FBLN2: variants seen among roughly 807,000 people sequenced by gnomAD.
The protein encoded by FBLN2 is fibulin-2.
A neutral mutation model predicts 123.7 loss-of-function variants in FBLN2; 81 were observed. That is an observed-to-expected ratio of 0.65 (90% CI 0.55 to 0.79). The LOEUF (loss-of-function observed/expected upper bound fraction) is 0.79. FBLN2 is among the 30% of genes least tolerant of loss of function. The probability of loss-of-function intolerance (pLI) is 0.00; values close to 1 mark genes in which losing one functional copy is unlikely to be tolerated. For missense variants in FBLN2, 1,603 were observed against 1,681.3 expected (o/e 0.95, Z 0.81); for synonymous variants, 699 against 701.4 (o/e 1.00, Z 0.05).
chr3:13,566,950 C>T (rs557280135), intron 1 of FBLN2, among the ~76,000 whole-genome samples: 5 of 152,362 alleles, frequency 3.3e-5, no homozygotes, highest in African/African-American at 1.2e-4. Context: ...AGAACCAGGG[C>T]TCAGAGAGGG....
rs1183296151 is a variant in FBLN2, at chr3:13,637,571, G to A, written c.3348G>A (p.Glu1116=). 6.2e-7 allele frequency: 1 copy of A among 1,605,522 alleles called. No individual in the cohort carries two copies. The change falls in exon 18 of 18, where the codon GAG becomes GAA. Residue 1116 remains glutamate, a synonymous_variant. Coordinates refer to ENST00000404922, the MANE Select transcript of FBLN2 (RefSeq NM_001004019.2). ...CCTATCCTCCCTGCAGGAAGTGCGA[G>A]CGCACCACGTGCCATGACTTCCTGG... ...NYVQVSKTKC[E]RTTCHDFLEC... is the part of the protein sequence containing the mutation.
At chr3:13,598,546 G>T (rs1419409322) in intron 2 of FBLN2, among the ~76,000 whole-genome samples, 1 of 152,150 alleles carries the variant, frequency 6.6e-6, no homozygotes, top group African/African-American at 2.4e-5. Context: ...TGTGCCCCTG[G>T]GCTCCCTCTC....
chr3:13,549,177 G>A lies in FBLN2; in HGVS notation c.-73G>A, dbSNP rs1238858132. On this transcript the variant is annotated 5_prime_UTR_variant, in exon 1 of 18. Coordinates refer to ENST00000404922, the MANE Select transcript of FBLN2 (RefSeq NM_001004019.2). ...TCGACGCGCCGACGGCCGGGCGGACGGACGGACGGACGCCGAGCGCAGTGC... is the reference window on the plus strand; with the variant it reads ...TCGACGCGCCGACGGCCGGGCGGACAGACGGACGGACGCCGAGCGCAGTGC... The A allele has an allele frequency of 4.1e-6, 4 of 982,906 alleles. No individual in the cohort carries two copies. The highest frequency in any genetic ancestry group is 9.4e-5 in the South Asian group (2 of 21,278). The allele number at this position is 982,906 out of a possible 1,614,324, so 60.9% of individuals were successfully genotyped here. A position where few individuals can be genotyped will look rare whatever the true frequency, so the allele number is the denominator to read the frequency against.
At chr3:13,595,223 A>G (rs1450574704) in intron 2 of FBLN2, among the ~76,000 whole-genome samples, 1 of 152,120 alleles carries the variant, frequency 6.6e-6, no homozygotes, top group Non-Finnish European at 1.5e-5. Context: ...GTAAACACCC[A>G]CAGAGGAGAA....
intron 2 of FBLN2, among the ~76,000 whole-genome samples, chr3:13,605,758 C>G (rs1185406027): frequency 1.3e-5 from 2 of 152,198 alleles, no homozygotes; most frequent in Admixed American, 6.5e-5. Context: ...GTGTGCTTAA[C>G]TGTATAAGTG....
In FBLN2 at chr3:13,637,898, C is replaced by T; in HGVS notation, c.3675C>T (p.Phe1225=). Reference sequence around the variant, plus strand: ...CCTTCCTGGCCAAGATGCACATCTTCTTCACCACCTTTGCCCTGTGAGGTG... The same window carrying T: ...CCTTCCTGGCCAAGATGCACATCTTTTTCACCACCTTTGCCCTGTGAGGTG... ...VTTFLAKMHI[F]FTTFAL is the part of the protein sequence containing the mutation. The change falls in exon 18 of 18, where the codon TTC becomes TTT. Residue 1225 remains phenylalanine, a synonymous_variant. Transcript: ENST00000404922. 6.3e-7 allele frequency: 1 copy of T among 1,594,520 alleles called. No homozygotes were observed. Among genetic ancestry groups the T allele is most frequent in the Non-Finnish European group, 8.6e-7 (1 of 1,167,618 alleles).
intron 8 of FBLN2, among the ~76,000 whole-genome samples, chr3:13,621,398 C>T (rs1242399697): frequency 6.6e-6 from 1 of 152,186 alleles, no homozygotes; most frequent in Non-Finnish European, 1.5e-5. Flanking sequence ...TGGGCCCTTC[C>T]CTGGTTTATG....
At position 13,629,222 on chromosome 3, in the gene FBLN2, C is replaced by T; in HGVS notation, c.2772C>T (p.Asn924=). Residue 924 remains asparagine, a synonymous_variant, in exon 13 of 18, where the codon AAC becomes AAT. Coordinates refer to ENST00000404922, the MANE Select transcript of FBLN2 (RefSeq NM_001004019.2). ...HRCGEGQVCH[N]LPGSYRCDCK... ...GCGGTGAGGGCCAAGTGTGCCACAA[C>T]CTCCCTGGCTCCTACCGCTGTGACT... 1 of 1,613,360 alleles carries T rather than the reference C, an allele frequency of 6.2e-7. No individual in the cohort carries two copies. Among genetic ancestry groups the T allele is most frequent in the Non-Finnish European group, 8.5e-7 (1 of 1,179,774 alleles).
In FBLN2 at chr3:13,629,010, G is replaced by A. The variant is rs746929723; in HGVS notation, c.2675G>A (p.Arg892His). 10 of 1,613,424 alleles carry A rather than the reference G, an allele frequency of 6.2e-6. No homozygotes were observed. The highest frequency in any genetic ancestry group is 2.2e-5 in the East Asian group (1 of 44,870). The change falls in exon 12 of 18, where the codon CGC (arginine) becomes CAC (histidine). Residue 892 changes from arginine (R) to histidine (H), a missense_variant. Arg to His is a conservative substitution (Grantham distance 29). Coordinates refer to ENST00000404922, the MANE Select transcript of FBLN2 (RefSeq NM_001004019.2). Reference sequence around the variant, plus strand: ...CAGAGGAACCCGCTGATCTGCGCGCGCGGCTACCACGCCAGCGATGATGGG... The same window carrying A: ...CAGAGGAACCCGCTGATCTGCGCGCACGGCTACCACGCCAGCGATGATGGG... Reference protein sequence around the residue: ...TCQRNPLICARGYHASDDGTK... With the variant: ...TCQRNPLICAHGYHASDDGTK...
At chr3:13,618,038 C>A (rs1290714256) in intron 5 of FBLN2, 38 bp from the exon 6 acceptor site, 1 of 1,598,554 alleles carries the variant, frequency 6.3e-7, no homozygotes, top group Middle Eastern at 2.1e-4. Context: ...CTACTCTGAC[C>A]AAGCTGGCTC....
intron 2 of FBLN2, among the ~76,000 whole-genome samples, chr3:13,577,289 G>A (rs912339917): frequency 3.9e-5 from 6 of 152,024 alleles, no homozygotes; most frequent in Admixed American, 1.3e-4. Context: ...TCCCTGGGGC[G>A]GTGACCCGAG....
chr3:13,551,461 T>A (rs1703320494), intron 1 of FBLN2, among the ~76,000 whole-genome samples: 1 of 152,168 alleles, frequency 6.6e-6, no homozygotes, highest in African/African-American at 2.4e-5. Flanking sequence ...GGTGGAACTC[T>A]TGCACCTATT....
At position 13,571,603 on chromosome 3, in the gene FBLN2, C is replaced by A; in HGVS notation, c.1248C>A (p.His416Gln). ...PRKPQVLPHS[H>Q]VEEDTDPNSV... Reference sequence around the variant, plus strand: ...AGCCGCAAGTTCTGCCCCATTCCCACGTGGAGGAGGACACAGACCCCAACT... The same window carrying A: ...AGCCGCAAGTTCTGCCCCATTCCCAAGTGGAGGAGGACACAGACCCCAACT... Residue 416 changes from histidine to glutamine, a missense_variant, in exon 2 of 18, where the codon CAC becomes CAA. Physicochemically the swap from His to Gln is conservative, Grantham distance 24. Transcript: ENST00000404922. 1 of 1,612,508 alleles carries A rather than the reference C, an allele frequency of 6.2e-7. No homozygotes were observed. Among genetic ancestry groups the A allele is most frequent in the Non-Finnish European group, 8.5e-7 (1 of 1,179,240 alleles).
rs1427409146 is a variant in FBLN2, at chr3:13,549,143, C to T, written c.-107C>T. On this transcript the variant is annotated 5_prime_UTR_variant, in exon 1 of 18. Coordinates refer to ENST00000404922, the MANE Select transcript of FBLN2 (RefSeq NM_001004019.2). ...CCCGCGCGCACACAGCCAGGGGCCG[C>T]CCGGGCTCTCGACGCGCCGACGGCC... 2.0e-6 allele frequency: 2 copies of T among 982,792 alleles called. No individual in the cohort carries two copies. The highest frequency in any genetic ancestry group is 2.4e-6 in the Non-Finnish European group (2 of 828,920). 60.9% of individuals were successfully genotyped at this position (982,792 alleles called of 1,614,324 possible). A position where few individuals can be genotyped will look rare whatever the true frequency, so the allele number is the denominator to read the frequency against.
chr3:13,607,241 C>T (rs958336779), intron 2 of FBLN2, among the ~76,000 whole-genome samples: 5 of 152,174 alleles, frequency 3.3e-5, no homozygotes, highest in African/African-American at 1.2e-4. Flanking sequence ...CCGCCTCAGC[C>T]TCTCAAAGTG....
At chr3:13,611,210 G>A (rs1705381664) in intron 4 of FBLN2, among the ~76,000 whole-genome samples, 1 of 152,122 alleles carries the variant, frequency 6.6e-6, no homozygotes, top group African/African-American at 2.4e-5. Context: ...GCCTCCCAAA[G>A]TGCTGGGATT....
intron 4 of FBLN2, among the ~76,000 whole-genome samples, chr3:13,613,120 T>TG (rs59912275): frequency 0.38 from 57,150 of 151,754 alleles, 15,871 homozygotes; most frequent in African/African-American, 0.79. Context: ...TGTTCAGTTA[T>TG]GATGTGCAGA....
intron 16 of FBLN2, among the ~76,000 whole-genome samples, chr3:13,632,055 G>A (rs538116448): frequency 1.6e-4 from 24 of 152,342 alleles, no homozygotes; most frequent in African/African-American, 5.5e-4. Context: ...TTGCAAGAGA[G>A]GGGACTGTGT....
chr3:13,616,426 C>G (rs887733942), intron 5 of FBLN2, among the ~76,000 whole-genome samples: 1 of 152,302 alleles, frequency 6.6e-6, no homozygotes, highest in East Asian at 1.9e-4. Context: ...GAGGTACTGT[C>G]TAGCCTGTGG....
Sources: allele counts gnomAD v4.1 joint callset (sites outside exome capture counted in the v4.1 genomes callset), GRCh38; gene constraint gnomAD v4.1.1; transcripts MANE v1.5; gene names NCBI Gene and HGNC (gene_info 2026-07-23, HGNC 2026-07-21).